MMP16: variants seen among roughly 807,000 people sequenced by gnomAD.
The protein encoded by MMP16 is matrix metallopeptidase 16, also known as matrix metalloproteinase-16.
In MMP16, 12 loss-of-function variants were observed where a neutral mutation model predicts 67.8. The observed-to-expected ratio is 0.18, with a 90% confidence interval of 0.11 to 0.29. The LOEUF (loss-of-function observed/expected upper bound fraction) is 0.29, where lower values mean the gene tolerates loss of function less well. Among genes scored for constraint, MMP16 ranks in the 10% least tolerant of loss-of-function variants. The pLI is 1.00. For synonymous variants in MMP16, 249 were observed against 255.9 expected (o/e 0.97, Z 0.26); for missense variants, 475 against 765.7 (o/e 0.62, Z 4.48).
At chr8:88,154,312 T>G (rs1808466706) in intron 4 of MMP16, among the ~76,000 whole-genome samples, 1 of 142,712 alleles carries the variant, frequency 7.0e-6, no homozygotes, top group South Asian at 2.4e-4. Context: ...AGTGTGGCGT[T>G]TCCTCAGGGA....
chr8:88,078,569 T>G (rs1808691282), intron 6 of MMP16, among the ~76,000 whole-genome samples: 1 of 152,206 alleles, frequency 6.6e-6, no homozygotes, highest in Middle Eastern at 3.4e-3. Flanking sequence ...TTTTAAAAAA[T>G]GAATCAGCTG....
intron 6 of MMP16, among the ~76,000 whole-genome samples, chr8:88,115,452 T>C (rs552443948): frequency 2.6e-4 from 39 of 152,184 alleles, no homozygotes; most frequent in African/African-American, 9.1e-4. Context: ...AAGAAACACA[T>C]TGATTTTTTT....
intron 1 of MMP16, among the ~76,000 whole-genome samples, chr8:88,242,786 T>G (rs376435590): frequency 6.6e-6 from 1 of 152,216 alleles, no homozygotes; most frequent in Non-Finnish European, 1.5e-5. Context: ...CACTTTAAAA[T>G]ACTGTGACTG....
intron 1 of MMP16, among the ~76,000 whole-genome samples, chr8:88,311,530 T>A (rs891643706): frequency 1.3e-5 from 2 of 152,202 alleles, no homozygotes; most frequent in African/African-American, 4.8e-5. Context: ...TGGAAAGATC[T>A]AAAACAATGC....
At chr8:88,060,791 T>C (rs1808388626) in intron 7 of MMP16, among the ~76,000 whole-genome samples, 1 of 152,026 alleles carries the variant, frequency 6.6e-6, no homozygotes, top group South Asian at 2.1e-4. Flanking sequence ...GCACCTCATG[T>C]ATAGTGTTTG....
At chr8:88,205,360 A>G (rs1308237694) in intron 1 of MMP16, among the ~76,000 whole-genome samples, 1 of 152,160 alleles carries the variant, frequency 6.6e-6, no homozygotes, top group African/African-American at 2.4e-5. Flanking sequence ...TGTTAAAAAA[A>G]TGAGAAGGCA....
intron 4 of MMP16, among the ~76,000 whole-genome samples, chr8:88,140,047 G>A (rs1239476890): frequency 6.6e-6 from 1 of 152,086 alleles, no homozygotes; most frequent in Non-Finnish European, 1.5e-5. Context: ...AAAAGCCTTG[G>A]CTAGGGAGTT....
intron 2 of MMP16, among the ~76,000 whole-genome samples, chr8:88,192,700 C>G (rs1446086040): frequency 1.3e-5 from 2 of 152,044 alleles, no homozygotes; most frequent in Non-Finnish European, 2.9e-5. Flanking sequence ...TATTGACAAG[C>G]CAAAAATGTT....
intron 1 of MMP16, among the ~76,000 whole-genome samples, chr8:88,226,866 C>CAAA (rs33996972): frequency 6.6e-6 from 1 of 151,978 alleles, no homozygotes; most frequent in Admixed American, 6.6e-5. Flanking sequence ...AAAGAGTACT[C>CAAA]AGCCTACACG....
At chr8:88,072,258 G>A (rs1270117618) in intron 7 of MMP16, among the ~76,000 whole-genome samples, 2 of 151,922 alleles carry the variant, frequency 1.3e-5, no homozygotes, top group African/African-American at 4.8e-5. Flanking sequence ...GGTGGTGGAG[G>A]GGGTCATTTC....
chr8:88,171,675 T>C (rs893755135), intron 3 of MMP16, among the ~76,000 whole-genome samples: 3 of 152,160 alleles, frequency 2.0e-5, no homozygotes, highest in African/African-American at 7.2e-5. Context: ...GGTTTTGCTA[T>C]GTAAAGTTAA....
intron 1 of MMP16, among the ~76,000 whole-genome samples, chr8:88,324,365 C>A (rs556470658): frequency 6.6e-6 from 1 of 152,138 alleles, no homozygotes; most frequent in East Asian, 1.9e-4. Context: ...TCTAGCCAAC[C>A]ACCCTCTTCA....
At chr8:88,317,500 A>C (rs1277821053) in intron 1 of MMP16, among the ~76,000 whole-genome samples, 1 of 152,174 alleles carries the variant, frequency 6.6e-6, no homozygotes, top group Non-Finnish European at 1.5e-5. Context: ...TACAGTGTAA[A>C]TATAACTTTT....
chr8:88,160,538 A>C, intron 4 of MMP16, among the ~76,000 whole-genome samples: 1 of 152,126 alleles, frequency 6.6e-6, no homozygotes, highest in East Asian at 1.9e-4. Context: ...AAAAATGCTC[A>C]CCATCACTGG....
At chr8:88,166,243 T>C (rs2129697321) in intron 4 of MMP16, among the ~76,000 whole-genome samples, 1 of 152,160 alleles carries the variant, frequency 6.6e-6, no homozygotes, top group South Asian at 2.1e-4. Context: ...AGAGTTTTAT[T>C]ACATGATTAG....
intron 1 of MMP16, among the ~76,000 whole-genome samples, chr8:88,264,040 A>AT (rs923069654): frequency 3.9e-5 from 4 of 102,468 alleles, no homozygotes; most frequent in Non-Finnish European, 8.1e-5. Flanking sequence ...GCACATATAT[A>AT]TATATATATA....
At chr8:88,184,522 A>G (rs1310724270) in intron 3 of MMP16, among the ~76,000 whole-genome samples, 1 of 129,994 alleles carries the variant, frequency 7.7e-6, no homozygotes, top group East Asian at 2.3e-4. Flanking sequence ...TGAGCCCAGG[A>G]GTTCAAGACC....
intron 4 of MMP16, among the ~76,000 whole-genome samples, chr8:88,127,177 T>A (rs1440906537): frequency 6.6e-6 from 1 of 151,872 alleles, no homozygotes; most frequent in Non-Finnish European, 1.5e-5. Context: ...AGTTGAGAAA[T>A]ATACTGGGCT....
chr8:88,096,600 A>G (rs1056280334), intron 6 of MMP16, among the ~76,000 whole-genome samples: 1 of 151,834 alleles, frequency 6.6e-6, no homozygotes, highest in African/African-American at 2.4e-5. Context: ...CTAGTCTTTC[A>G]TCTGAGGCCT....
Sources: gnomAD v4.1 joint callset for allele counts (sites outside exome capture counted in the v4.1 genomes callset) on GRCh38, gnomAD v4.1.1 for gene constraint, MANE v1.5 for transcripts, NCBI Gene and HGNC (gene_info 2026-07-23, HGNC 2026-07-21) for gene names.